Variants in KIF2C observed in about 807,000 individuals in gnomAD.
KIF2C encodes kinesin-like protein KIF2C.
In KIF2C, 34 loss-of-function variants were observed where a neutral mutation model predicts 97.4. The observed-to-expected ratio is 0.35, with a 90% CI of 0.27 to 0.46. The LOEUF is 0.46. KIF2C is among the 20% of genes least tolerant of loss of function. KIF2C has a pLI of 1.00. For missense variants in KIF2C, 750 were observed against 907.6 expected, an observed-to-expected ratio of 0.83 and a Z score of 2.23; for synonymous variants, 313 against 318.2, an observed-to-expected ratio of 0.98 and a Z score of 0.17.
At chr1:44,766,982 ATGG>A (rs1412416224) in intron 20 of KIF2C, 33 bp downstream of exon 20, 3 of 1,613,490 alleles carry the variant, frequency 1.9e-6, no homozygotes, top group Middle Eastern at 1.7e-4. Context: ...CAGGTGGACG[ATGG>A]TGGCCTCTGC....
At chr1:44,763,572 C>T (rs1650281759) in intron 19 of KIF2C, among the ~76,000 whole-genome samples, 1 of 152,124 alleles carries the variant, frequency 6.6e-6, no homozygotes, top group South Asian at 2.1e-4. Flanking sequence ...GTTCATCTCA[C>T]AGGCCTGGAC....
intron 2 of KIF2C, among the ~76,000 whole-genome samples, chr1:44,744,468 A>G (rs868327176): frequency 4.6e-5 from 7 of 152,120 alleles, no homozygotes; most frequent in Admixed American, 1.3e-4. Flanking sequence ...CACATATCCT[A>G]TGCCCTGGCA....
chr1:44,766,691 G>A, intron 19 of KIF2C, 135 bp from the exon 20 acceptor site: 1 of 862,546 alleles, frequency 1.2e-6, no homozygotes, highest in Non-Finnish European at 1.8e-6. Flanking sequence ...CTTGGGGAGA[G>A]GGTGAACAGC....
chr1:44,753,955 A>ATTTTTTTTTTT (rs1649673304), intron 7 of KIF2C, 122 bp downstream of exon 7: 11 of 193,168 alleles, frequency 5.7e-5, no homozygotes, highest in African/African-American at 1.2e-4. Flanking sequence ...TGAGGCCCCA[A>ATTTTTTTTTTT]TTCTTTTTTT....
intron 1 of KIF2C, among the ~76,000 whole-genome samples, chr1:44,740,648 CTT>C (rs1174279378): frequency 6.6e-6 from 1 of 152,076 alleles, no homozygotes; most frequent in Non-Finnish European, 1.5e-5. Flanking sequence ...CTCTATCTCT[CTT>C]TTTTTGTAGG....
chr1:44,766,061 T>A (rs568263050), intron 19 of KIF2C, among the ~76,000 whole-genome samples: 139 of 146,760 alleles, frequency 9.5e-4, no homozygotes, highest in South Asian at 2.4e-3. Context: ...AAAGAAAAAA[T>A]AAATAAATAA....
In KIF2C at chr1:44,763,764, G is replaced by A. The variant is rs1006001617; in HGVS notation, c.1971+1106G>A. Among the ~76,000 whole-genome samples the A allele has an allele frequency of 3.9e-5, 6 of 152,150 alleles. No homozygotes were observed. The South Asian group carries it at 6.2e-4, about 16-fold the overall frequency. On this transcript the variant is annotated intron_variant, in intron 19 of 20. Coordinates refer to ENST00000372224, the MANE Select transcript of KIF2C (RefSeq NM_006845.4). The stretch of plus-strand genomic sequence containing the variant: ...AGAAAAACTATTGCCAGCCAGGCGC[G>A]GTGGCTCATGCCTGTAATCCCAACA...
At chr1:44,762,917 T>TAG (rs1296755286) in intron 19 of KIF2C, among the ~76,000 whole-genome samples, 1 of 152,168 alleles carries the variant, frequency 6.6e-6, no homozygotes, top group Non-Finnish European at 1.5e-5. Context: ...ACGCTCCTGA[T>TAG]AGAGGATTTG....
At chr1:44,741,341 C>T (rs1479648797) in intron 2 of KIF2C, among the ~76,000 whole-genome samples, 5 of 150,212 alleles carry the variant, frequency 3.3e-5, no homozygotes, top group Admixed American at 2.0e-4. Flanking sequence ...GAAACTGTGC[C>T]GCTGCACTCC....
At position 44,753,829 on chromosome 1, in the gene KIF2C, C is replaced by T. The variant is rs1319202685; in HGVS notation, c.659C>T (p.Ala220Val). 2 of 1,595,582 alleles carry T rather than the reference C, an allele frequency of 1.3e-6. No individual in the cohort carries two copies. Among genetic ancestry groups the T allele is most frequent in the Admixed American group, 1.7e-5 (1 of 57,580 alleles). Residue 220 changes from alanine to valine, a missense_variant, in exon 7 of 21, where the codon GCT becomes GTT. Transcript: ENST00000372224. The stretch of plus-strand genomic sequence containing the variant: ...AACTCTGAAATGAGAATGAAGAGAG[C>T]TCAGGTACCTTTCTTGGGAGACTAG... ...AQNSEMRMKRAQEYDSSFPNW... is the reference protein window; with the variant it reads ...AQNSEMRMKRVQEYDSSFPNW...
At chr1:44,746,850 C>A (rs1319009560) in intron 2 of KIF2C, 1 of 1,240,274 alleles carries the variant, frequency 8.1e-7, no homozygotes, top group East Asian at 2.6e-5. Context: ...TAGGGGTACC[C>A]CTGTCTATAG....
At position 44,760,270 on chromosome 1, in the gene KIF2C, T is replaced by G; in HGVS notation, c.1368-10T>G. 2.5e-6 allele frequency: 4 copies of G among 1,613,480 alleles called. No homozygotes were observed. In the South Asian group the frequency reaches 3.3e-5, roughly 13 times the overall value. ...TGACCACAGAATCTCATAACCTTTC[T>G]TTACCACAGAACCTCTGGGCAGACA... is the stretch of plus-strand genomic sequence containing the variant. On this transcript the variant is annotated splice_polypyrimidine_tract_variant and intron_variant, in intron 14 of 20. Transcript: ENST00000372224. The surrounding 1 kb of genome is among the most constrained non-coding windows in gnomAD (Gnocchi z 4.2).
intron 2 of KIF2C, among the ~76,000 whole-genome samples, chr1:44,744,878 G>A (rs1649107877): frequency 1.3e-5 from 2 of 150,856 alleles, no homozygotes; most frequent in Non-Finnish European, 2.9e-5. Context: ...CCAGCAGCCT[G>A]GGCGACAGAG....
Position 44,753,027 on chromosome 1 carries a change from C to G in KIF2C, c.440-105C>G. ...GCTCTGCACATACTGTAAGCCTTACCGAGCAGGCAGGTCGCTCTCCCGGCC... is the reference window on the plus strand; with the variant it reads ...GCTCTGCACATACTGTAAGCCTTACGGAGCAGGCAGGTCGCTCTCCCGGCC... On this transcript the variant is annotated intron_variant, in intron 5 of 20. Coordinates refer to ENST00000372224, the MANE Select transcript of KIF2C (RefSeq NM_006845.4). The G allele has an allele frequency of 2.2e-6, 3 of 1,377,934 alleles. No individual in the cohort carries two copies. The South Asian group carries it at 4.1e-5, about 19-fold the overall frequency. 85.4% of individuals were successfully genotyped at this position (1,377,934 alleles called of 1,614,324 possible). A position where few individuals can be genotyped will look rare whatever the true frequency, so the allele number is the denominator to read the frequency against.
intron 2 of KIF2C, among the ~76,000 whole-genome samples, chr1:44,743,207 C>G (rs1649021134): frequency 6.6e-6 from 1 of 152,194 alleles, no homozygotes; most frequent in Non-Finnish European, 1.5e-5. Context: ...CATTTCTGTT[C>G]TAGTGGCATT....
In KIF2C at chr1:44,761,904, C is replaced by T. The variant is rs113554165; in HGVS notation, c.1684-12C>T. On this transcript the variant is annotated splice_polypyrimidine_tract_variant and intron_variant, in intron 16 of 20. Coordinates refer to ENST00000372224, the MANE Select transcript of KIF2C (RefSeq NM_006845.4). ...GCCTCTCAGCCTTTAATCACCCACC[C>T]CTCTTTTGCAGATTGCCACGATCTC... is the stretch of plus-strand genomic sequence containing the variant. The T allele has an allele frequency of 4.9e-4, 794 of 1,614,014 alleles. 8 individuals are homozygous for T. The African/African-American group carries it at 9.0e-3, about 18-fold the overall frequency.
intron 2 of KIF2C, among the ~76,000 whole-genome samples, chr1:44,745,287 T>C (rs1044364742): frequency 1.3e-5 from 2 of 151,360 alleles, no homozygotes; most frequent in African/African-American, 4.8e-5. Context: ...TCTGTGGCTG[T>C]CCCAGAAGTG....
chr1:44,746,886 T>TTTTG (rs925167196), intron 2 of KIF2C: 23 of 1,015,528 alleles, frequency 2.3e-5, no homozygotes, highest in Middle Eastern at 2.2e-4. Context: ...TATGTTGTTT[T>TTTTG]TTTGTTTGTT....
intron 2 of KIF2C, among the ~76,000 whole-genome samples, chr1:44,744,601 G>A (rs959874228): frequency 6.6e-6 from 1 of 152,144 alleles, no homozygotes. Flanking sequence ...TCAGAGCAAG[G>A]CTTAAAACTC....
Sources: allele counts gnomAD v4.1 joint callset (sites outside exome capture counted in the v4.1 genomes callset), GRCh38; gene constraint gnomAD v4.1.1; non-coding constraint Gnocchi (gnomAD v3.1); transcripts MANE v1.5; gene names NCBI Gene and HGNC (gene_info 2026-07-23, HGNC 2026-07-21).